SORCS1: variants seen among roughly 807,000 people sequenced by gnomAD.
SORCS1 encodes sortilin related VPS10 domain containing receptor 1, also known as VPS10 domain-containing receptor SorCS1.
In SORCS1, 60 loss-of-function variants were observed where a neutral mutation model predicts 146.1. The ratio of observed to expected loss-of-function variants is 0.41; its 90% CI spans 0.33 to 0.51. The LOEUF (loss-of-function observed/expected upper bound fraction) is 0.51. SORCS1 is among the 20% of genes least tolerant of loss of function. The pLI, the probability that SORCS1 is intolerant of heterozygous loss-of-function variation, is 0.21. For missense variants in SORCS1, 1,352 were observed against 1,487.6 expected, an observed-to-expected ratio of 0.91 and a Z score of 1.50; for synonymous variants, 637 against 584.0, an observed-to-expected ratio of 1.09 and a Z score of -1.31.
chr10:107,155,424 C>T (rs72814916), intron 1 of SORCS1, among the ~76,000 whole-genome samples: 9,322 of 152,160 alleles, frequency 0.061, 314 homozygotes, highest in Non-Finnish European at 0.078. Context: ...CATTCAAAAG[C>T]AGGACCCATG....
In SORCS1 at chr10:106,588,689, A is replaced by G. The variant is rs191973098; in HGVS notation, c.3265+8662T>C. On this transcript the variant is annotated intron_variant, in intron 24 of 25. Coordinates refer to ENST00000263054, the MANE Select transcript of SORCS1 (RefSeq NM_052918.5). ...ATCCTGGCCAACACGGTGAAACCCC[A>G]TCTCTACTAAAAATACAAAAAATTA... is the stretch of plus-strand genomic sequence containing the variant. 1.8e-3 allele frequency among the ~76,000 whole-genome samples: 266 copies of G among 151,754 alleles called. 3 individuals are homozygous for G. Among genetic ancestry groups the G allele is most frequent in the Middle Eastern group, 3.4e-3 (1 of 294 alleles).
intron 1 of SORCS1, among the ~76,000 whole-genome samples, chr10:107,113,014 A>G (rs1327143859): frequency 6.6e-6 from 1 of 152,194 alleles, no homozygotes. Flanking sequence ...TGAACTTACC[A>G]GACTTACAGC....
intron 1 of SORCS1, among the ~76,000 whole-genome samples, chr10:106,966,087 G>A (rs1444715455): frequency 1.3e-5 from 2 of 152,194 alleles, no homozygotes; most frequent in Non-Finnish European, 1.5e-5. Context: ...TCCTGACAGC[G>A]AATGCACATG....
intron 1 of SORCS1, among the ~76,000 whole-genome samples, chr10:107,098,683 T>C (rs1326005690): frequency 1.3e-5 from 2 of 152,244 alleles, no homozygotes; most frequent in East Asian, 3.8e-4. Context: ...ATGACTTCTT[T>C]CTGGAATTGA....
chr10:106,907,681 C>T (rs1394172089), intron 2 of SORCS1, among the ~76,000 whole-genome samples: 1 of 152,102 alleles, frequency 6.6e-6, no homozygotes, highest in African/African-American at 2.4e-5. Context: ...AATCCCAACA[C>T]TTTGGGAGGC....
At chr10:106,847,683 T>C (rs1478242470) in intron 2 of SORCS1, among the ~76,000 whole-genome samples, 1 of 84,990 alleles carries the variant, frequency 1.2e-5, no homozygotes, top group Non-Finnish European at 2.6e-5. Flanking sequence ...TGTTAGGGTG[T>C]CAATTTTGGA....
chr10:106,896,732 A>G lies in SORCS1; in HGVS notation c.626+59781T>C, dbSNP rs530837459. On this transcript the variant is annotated intron_variant, in intron 2 of 25. Coordinates refer to ENST00000263054, the MANE Select transcript of SORCS1 (RefSeq NM_052918.5). Reference sequence around the variant, plus strand: ...CTCTCCCTGGAAACTTTCCCCAACTAAAGCACCAACCCATAACATATTACA... The same window carrying G: ...CTCTCCCTGGAAACTTTCCCCAACTGAAGCACCAACCCATAACATATTACA... Among the ~76,000 whole-genome samples, 11 of 151,684 alleles carry G rather than the reference A, an allele frequency of 7.3e-5. No individual in the cohort carries two copies. In the East Asian group the frequency reaches 2.1e-3, roughly 29 times the overall value.
At chr10:106,893,643 G>T (rs1485362282) in intron 2 of SORCS1, among the ~76,000 whole-genome samples, 1 of 152,096 alleles carries the variant, frequency 6.6e-6, no homozygotes, top group African/African-American at 2.4e-5. Context: ...AAAATTATTA[G>T]AAGGTTACTG....
intron 2 of SORCS1, among the ~76,000 whole-genome samples, chr10:106,836,874 T>G (rs551321523): frequency 2.0e-5 from 3 of 152,340 alleles, no homozygotes; most frequent in South Asian, 2.1e-4. Context: ...AGTTAATGAC[T>G]TGATGATGCC....
chr10:106,604,367 C>G (rs1009156516), intron 23 of SORCS1, among the ~76,000 whole-genome samples: 2 of 152,144 alleles, frequency 1.3e-5, no homozygotes, highest in Middle Eastern at 3.2e-3. Context: ...CCAGGAGACT[C>G]CCCTGTCTCA....
chr10:106,906,755 G>A (rs1376497029), intron 2 of SORCS1, among the ~76,000 whole-genome samples: 1 of 152,154 alleles, frequency 6.6e-6, no homozygotes, highest in African/African-American at 2.4e-5. Context: ...TAACAGGTGA[G>A]TCTGAGTTCA....
chr10:106,840,046 C>A (rs1370093742), intron 2 of SORCS1, among the ~76,000 whole-genome samples: 2 of 152,100 alleles, frequency 1.3e-5, no homozygotes, highest in African/African-American at 4.8e-5. Flanking sequence ...TGTTTTCATG[C>A]CTGCTAACAC....
At chr10:107,111,201 T>C (rs1965675277) in intron 1 of SORCS1, among the ~76,000 whole-genome samples, 1 of 152,166 alleles carries the variant, frequency 6.6e-6, no homozygotes, top group South Asian at 2.1e-4. Flanking sequence ...AAGGAAACTA[T>C]GAACATTCTA....
At chr10:106,903,600 C>T (rs1951803826) in intron 2 of SORCS1, among the ~76,000 whole-genome samples, 1 of 152,118 alleles carries the variant, frequency 6.6e-6, no homozygotes. Context: ...ACTGACTCAG[C>T]AGGACTTTTT....
intron 18 of SORCS1, among the ~76,000 whole-genome samples, chr10:106,638,398 A>C (rs1282919293): frequency 6.6e-6 from 1 of 152,188 alleles, no homozygotes; most frequent in Non-Finnish European, 1.5e-5. Flanking sequence ...AATAAAGAAA[A>C]AAAAAGGCAC....
At chr10:106,700,987 T>C (rs1441149496) in intron 8 of SORCS1, among the ~76,000 whole-genome samples, 1 of 152,170 alleles carries the variant, frequency 6.6e-6, no homozygotes, top group Non-Finnish European at 1.5e-5. Context: ...TGCAGGGGGA[T>C]TGGTTCCACA....
chr10:106,656,308 T>C (rs1292771880), intron 17 of SORCS1, among the ~76,000 whole-genome samples: 1 of 152,154 alleles, frequency 6.6e-6, no homozygotes, highest in Non-Finnish European at 1.5e-5. Context: ...CCCAGGACTT[T>C]GGGAGGCCGA....
intron 1 of SORCS1, among the ~76,000 whole-genome samples, chr10:107,023,416 C>T (rs931421181): frequency 6.6e-6 from 1 of 152,154 alleles, no homozygotes; most frequent in Non-Finnish European, 1.5e-5. Context: ...TTCATTTTAG[C>T]ACTGCAGAAT....
At chr10:106,672,574 G>T (rs1470036874) in intron 15 of SORCS1, among the ~76,000 whole-genome samples, 2 of 152,172 alleles carry the variant, frequency 1.3e-5, no homozygotes, top group African/African-American at 4.8e-5. Context: ...ATTCTCAGAT[G>T]AAATATGTTT....
Sources: gnomAD v4.1 joint callset for allele counts (sites outside exome capture counted in the v4.1 genomes callset) on GRCh38, gnomAD v4.1.1 for gene constraint, MANE v1.5 for transcripts, NCBI Gene and HGNC (gene_info 2026-07-23, HGNC 2026-07-21) for gene names.